The following MSRA variants were observed in gnomAD, a reference collection of about 807,000 sequenced individuals.
MSRA encodes the protein methionine sulfoxide reductase A, also known as mitochondrial peptide methionine sulfoxide reductase.
A neutral mutation model predicts 31.3 loss-of-function variants in MSRA; 54 were observed. The observed-to-expected ratio is 1.73, with a 90% CI of 1.39 to 2.17. The LOEUF (loss-of-function observed/expected upper bound fraction) is 2.17. MSRA is among the 30% of genes most tolerant of loss of function. The pLI is 0.00. For missense variants in MSRA, 507 were observed against 300.9 expected, an observed-to-expected ratio of 1.69 and a Z score of -5.07; for synonymous variants, 169 against 116.5, an observed-to-expected ratio of 1.45 and a Z score of -2.90.
At chr8:10,350,716 C>A (rs1336118718) in intron 5 of MSRA, among the ~76,000 whole-genome samples, 1 of 152,224 alleles carries the variant, frequency 6.6e-6, no homozygotes, top group East Asian at 1.9e-4. Flanking sequence ...TGGCTCCTTG[C>A]CAAGGCCGGC....
chr8:10,236,768 A>C (rs1476711303), intron 2 of MSRA, among the ~76,000 whole-genome samples: 4 of 151,800 alleles, frequency 2.6e-5, no homozygotes, highest in African/African-American at 9.7e-5. Flanking sequence ...CTGGTCTTGA[A>C]CTCCTGACAT....
chr8:10,290,090 G>T (rs1047628900), intron 3 of MSRA, among the ~76,000 whole-genome samples: 1 of 152,198 alleles, frequency 6.6e-6, no homozygotes, highest in Non-Finnish European at 1.5e-5. Context: ...CTCTCTAGCA[G>T]ATTATGCCCT....
chr8:10,224,942 C>T (rs939271596), intron 2 of MSRA, among the ~76,000 whole-genome samples: 1 of 152,154 alleles, frequency 6.6e-6, no homozygotes, highest in Non-Finnish European at 1.5e-5. Context: ...AGTTCAAGAC[C>T]AGCCTGGCCA....
chr8:10,136,749 G>T (rs749308206), intron 1 of MSRA, among the ~76,000 whole-genome samples: 1 of 152,122 alleles, frequency 6.6e-6, no homozygotes, highest in East Asian at 1.9e-4. Flanking sequence ...GTTCAATGTC[G>T]GGTCCCCTCC....
In MSRA at chr8:10,272,871, A is replaced by G. The variant is rs5025440; in HGVS notation, c.331+27648A>G. ...GTATCAAGTAAATATCTCTTAAGTG[A>G]ATGAATGAATGGATGAATAACAGCA... On this transcript the variant is annotated intron_variant, in intron 3 of 5. Coordinates refer to ENST00000317173, the MANE Select transcript of MSRA (RefSeq NM_012331.5). Among the ~76,000 whole-genome samples the G allele has an allele frequency of 6.5e-5, 7 of 107,158 alleles. No individual in the cohort carries two copies. In the East Asian group the frequency reaches 4.1e-3, roughly 63 times the overall value. 70.3% of individuals were successfully genotyped at this position (107,158 alleles called of 152,430 possible).
At chr8:10,270,750 A>T (rs1399484393) in intron 3 of MSRA, among the ~76,000 whole-genome samples, 2 of 152,380 alleles carry the variant, frequency 1.3e-5, no homozygotes, top group South Asian at 4.1e-4. Flanking sequence ...GCTCATTCAC[A>T]TCAGACCCTA....
intron 5 of MSRA, chr8:10,320,227 G>C: frequency 6.4e-6 from 2 of 310,848 alleles, no homozygotes; most frequent in Non-Finnish European, 1.2e-5. Context: ...CCAGTACTTT[G>C]GGGGGCCGAA....
intron 1 of MSRA, among the ~76,000 whole-genome samples, chr8:10,131,246 G>C (rs1209372185): frequency 6.6e-6 from 1 of 152,166 alleles, no homozygotes; most frequent in East Asian, 1.9e-4. Context: ...ACAGTGCAAA[G>C]TATAGAAGGC....
intron 1 of MSRA, among the ~76,000 whole-genome samples, chr8:10,093,863 G>T (rs1382052579): frequency 1.3e-5 from 2 of 152,168 alleles, no homozygotes; most frequent in East Asian, 1.9e-4. Context: ...CATTTTCAAA[G>T]AATAGTTTTG....
chr8:10,393,127 C>G (rs1047715201), intron 5 of MSRA, among the ~76,000 whole-genome samples: 1 of 149,138 alleles, frequency 6.7e-6, no homozygotes, highest in African/African-American at 2.5e-5. Flanking sequence ...GAGAAAAGAA[C>G]CACTTTGTCC....
chr8:10,346,034 C>T (rs536179991), intron 5 of MSRA, among the ~76,000 whole-genome samples: 88 of 144,630 alleles, frequency 6.1e-4, no homozygotes, highest in Middle Eastern at 3.5e-3. Context: ...TTGCTTGGCT[C>T]ATTGTATTGT....
chr8:10,174,635 C>T (rs369176137), intron 1 of MSRA, among the ~76,000 whole-genome samples: 2 of 152,080 alleles, frequency 1.3e-5, no homozygotes, highest in African/African-American at 4.8e-5. Context: ...TTTCACCCCT[C>T]TGGAGCAGAC....
At chr8:10,139,594 C>A (rs1179167227) in intron 1 of MSRA, among the ~76,000 whole-genome samples, 1 of 152,178 alleles carries the variant, frequency 6.6e-6, no homozygotes, top group Admixed American at 6.5e-5. Flanking sequence ...TATTTGGCTG[C>A]CACTTACATG....
intron 5 of MSRA, among the ~76,000 whole-genome samples, chr8:10,427,835 C>T (rs1809278333): frequency 6.6e-6 from 1 of 152,214 alleles, no homozygotes; most frequent in Non-Finnish European, 1.5e-5. Flanking sequence ...CAGTTTCAAA[C>T]AGACCCACAG....
At chr8:10,427,032 C>T (rs1299406138) in intron 5 of MSRA, among the ~76,000 whole-genome samples, 1 of 151,896 alleles carries the variant, frequency 6.6e-6, no homozygotes. Context: ...TGACGTTGCT[C>T]AAGAAAAACC....
rs551206033 is a variant in MSRA, at chr8:10,217,298, C to T, written c.211+9397C>T. 7.2e-5 allele frequency among the ~76,000 whole-genome samples: 11 copies of T among 152,348 alleles called. No individual in the cohort carries two copies. In the South Asian group the frequency reaches 2.1e-3, roughly 29 times the overall value. On this transcript the variant is annotated intron_variant, in intron 2 of 5. Transcript: ENST00000317173. ...CTAGGAGTGAGCGGCGCGCAAGTCT[C>T]GTGGCTGTTTGCCACACTGCTCTTC...
chr8:10,291,490 C>G (rs1463561815), intron 3 of MSRA, among the ~76,000 whole-genome samples: 1 of 151,870 alleles, frequency 6.6e-6, no homozygotes, highest in East Asian at 1.9e-4. Flanking sequence ...ACAGGGCATC[C>G]AATTTTGATG....
intron 5 of MSRA, among the ~76,000 whole-genome samples, chr8:10,338,584 C>T (rs543587950): frequency 6.6e-6 from 1 of 152,212 alleles, no homozygotes; most frequent in Non-Finnish European, 1.5e-5. Flanking sequence ...TATATTAAAA[C>T]ATCATGCACT....
At chr8:10,401,510 C>G (rs1429247167) in intron 5 of MSRA, among the ~76,000 whole-genome samples, 2 of 152,184 alleles carry the variant, frequency 1.3e-5, no homozygotes, top group South Asian at 2.1e-4. Flanking sequence ...TAGACAGTTC[C>G]TCAAGGAGTT....
Sources: allele counts gnomAD v4.1 joint callset (sites outside exome capture counted in the v4.1 genomes callset), GRCh38; gene constraint gnomAD v4.1.1; transcripts MANE v1.5; gene names NCBI Gene and HGNC (gene_info 2026-07-23, HGNC 2026-07-21).